NEK1: variants seen among roughly 807,000 people sequenced by gnomAD.
NEK1 encodes the protein serine/threonine-protein kinase Nek1.
A neutral mutation model predicts 182.1 loss-of-function variants in NEK1; 137 were observed. The ratio of observed to expected loss-of-function variants is 0.75; its 90% CI spans 0.65 to 0.87. NEK1 has a LOEUF of 0.87. Among genes scored for constraint, NEK1 ranks in the 40% least tolerant of loss-of-function variants. The probability of loss-of-function intolerance (pLI) is 0.00; values close to 1 mark genes in which losing one functional copy is unlikely to be tolerated. For synonymous variants in NEK1, 513 were observed against 492.2 expected (o/e 1.04, Z -0.56); for missense variants, 1,391 against 1,494.4 (o/e 0.93, Z 1.14).
At position 169,499,051 on chromosome 4, in the gene NEK1, G is replaced by A. The variant is rs570146768; in HGVS notation, c.2007+7986C>T. On this transcript the variant is annotated intron_variant, in intron 23 of 35. Transcript: ENST00000507142. ...TCACTTTCAGGTACACCAATCAGAC[G>A]TAGATTTGGTCTTTTCACATAGTCC... Among the ~76,000 whole-genome samples the A allele has an allele frequency of 1.4e-4, 21 of 152,276 alleles. No homozygotes were observed. In the East Asian group the frequency reaches 2.7e-3, roughly 20 times the overall value.
intron 27 of NEK1, among the ~76,000 whole-genome samples, chr4:169,446,219 A>C (rs1208935348): frequency 6.6e-6 from 1 of 152,134 alleles, no homozygotes; most frequent in Non-Finnish European, 1.5e-5. Flanking sequence ...AAAATCAAAC[A>C]GACACTAAAA....
At chr4:169,460,919 C>A (rs964855139) in intron 27 of NEK1, among the ~76,000 whole-genome samples, 5 of 152,142 alleles carry the variant, frequency 3.3e-5, no homozygotes, top group African/African-American at 1.2e-4. Flanking sequence ...AGTGTTCACA[C>A]AAGTCCTTCC....
intron 23 of NEK1, among the ~76,000 whole-genome samples, chr4:169,480,433 G>A (rs1747764959): frequency 6.8e-6 from 1 of 146,430 alleles, no homozygotes; most frequent in South Asian, 2.1e-4. Flanking sequence ...ATGTTTACAC[G>A]ATTCTGTAGC....
At chr4:169,418,593 CA>C (rs1734928883) in intron 31 of NEK1, among the ~76,000 whole-genome samples, 1 of 151,906 alleles carries the variant, frequency 6.6e-6, no homozygotes, top group Non-Finnish European at 1.5e-5. Context: ...ATAAAACACA[CA>C]ATATCGAAAT....
rs34487354 is a variant in NEK1 at position 169,577,318 on chromosome 4, T to TA, written c.869-240dup. Among the ~76,000 whole-genome samples the TA allele has an allele frequency of 0.18, 26,031 of 146,862 alleles. 2,816 individuals carry two copies. Among genetic ancestry groups the TA allele is most frequent in the South Asian group, 0.32 (1,467 of 4,654 alleles). ...TCTAACATGTTGAAGTTTTTAATAT[T>TA]AAAAAAAAAAATCCCTGAAATTGAC... On this transcript the variant is annotated intron_variant, in intron 11 of 35. Transcript: ENST00000507142.
intron 31 of NEK1, among the ~76,000 whole-genome samples, chr4:169,420,633 T>G (rs909467230): frequency 6.6e-6 from 1 of 152,192 alleles, no homozygotes; most frequent in Non-Finnish European, 1.5e-5. Context: ...CATTATGTGA[T>G]GCATGACTGC....
intron 27 of NEK1, 47 bp from the exon 28 acceptor site, chr4:169,438,306 C>T (rs1327074058): frequency 2.1e-6 from 3 of 1,430,950 alleles, no homozygotes; most frequent in African/African-American, 1.4e-5. Context: ...CAAAATGATG[C>T]ATTTTATCTG....
intron 16 of NEK1, among the ~76,000 whole-genome samples, chr4:169,556,754 AAT>A (rs1762218291): frequency 3.3e-5 from 5 of 151,930 alleles, no homozygotes; most frequent in Admixed American, 3.3e-4. Flanking sequence ...AAAAAAAAAA[AAT>A]CAACAGTAAA....
intron 18 of NEK1, among the ~76,000 whole-genome samples, chr4:169,552,651 T>C (rs1303560557): frequency 2.0e-5 from 3 of 152,064 alleles, no homozygotes; most frequent in African/African-American, 7.2e-5. Flanking sequence ...GAAATATAAC[T>C]GTCTTTGTTT....
intron 31 of NEK1, among the ~76,000 whole-genome samples, chr4:169,413,656 A>G (rs1734036559): frequency 6.6e-6 from 1 of 152,226 alleles, no homozygotes; most frequent in African/African-American, 2.4e-5. Flanking sequence ...GTCCTTCAAA[A>G]TCTATACTGA....
intron 23 of NEK1, 120 bp from the exon 24 acceptor site, chr4:169,479,654 A>G: frequency 1.3e-6 from 1 of 793,294 alleles, no homozygotes; most frequent in African/African-American, 1.8e-5. Context: ...TTCATTCCTG[A>G]ATTATCTGTT....
chr4:169,592,486 A>AAT (rs1344492556), intron 5 of NEK1, among the ~76,000 whole-genome samples: 1 of 152,182 alleles, frequency 6.6e-6, no homozygotes, highest in Non-Finnish European at 1.5e-5. Flanking sequence ...TATTTAAAAA[A>AAT]ATATGCTTAT....
Position 169,438,079 on chromosome 4 carries a change from A to C in NEK1, c.2764+4T>G. 6.2e-7 allele frequency: 1 copy of C among 1,606,432 alleles called. No homozygotes were observed. Among genetic ancestry groups the C allele is most frequent in the Non-Finnish European group, 8.5e-7 (1 of 1,175,604 alleles). ...ATAGCTCATTTTGACTCATTAGAAC[A>C]TACCTTCTAAATTTCCTTCCAGTTT... On this transcript the variant is annotated splice_donor_region_variant and intron_variant, in intron 28 of 35. Transcript: ENST00000507142.
intron 29 of NEK1, among the ~76,000 whole-genome samples, chr4:169,428,346 TATGGGATATATATATATATATATATA>T (rs1311182969): frequency 1.2e-3 from 23 of 19,304 alleles, no homozygotes; most frequent in South Asian, 5.4e-3. Context: ...TATAAAAATA[TATGGGATATATATATATATATATATA>T]ATGGAATATT....
intron 31 of NEK1, among the ~76,000 whole-genome samples, chr4:169,407,117 C>T (rs995328450): frequency 1.3e-5 from 2 of 152,148 alleles, no homozygotes; most frequent in African/African-American, 4.8e-5. Context: ...ACTTGGAAAT[C>T]TGTCAGGAAT....
intron 23 of NEK1, among the ~76,000 whole-genome samples, chr4:169,497,104 G>A (rs1412724862): frequency 6.6e-6 from 1 of 152,122 alleles, no homozygotes; most frequent in Non-Finnish European, 1.5e-5. Flanking sequence ...TCTATTCAGG[G>A]ATTCAACTTC....
intron 26 of NEK1, among the ~76,000 whole-genome samples, chr4:169,464,591 A>G (rs1385720887): frequency 6.6e-6 from 1 of 152,078 alleles, no homozygotes; most frequent in African/African-American, 2.4e-5. Context: ...TTTGGATTTC[A>G]GATTTTGGAT....
At chr4:169,529,827 G>A (rs1757409182) in intron 19 of NEK1, among the ~76,000 whole-genome samples, 1 of 152,142 alleles carries the variant, frequency 6.6e-6, no homozygotes, top group South Asian at 2.1e-4. Flanking sequence ...AACATTTAGA[G>A]AAATCCAAAT....
At chr4:169,451,911 A>T (rs1741867646) in intron 27 of NEK1, among the ~76,000 whole-genome samples, 1 of 152,354 alleles carries the variant, frequency 6.6e-6, no homozygotes, top group Admixed American at 6.5e-5. Context: ...AAGAAAAGAC[A>T]GAAGAATCAA....
Sources: gnomAD v4.1 joint callset for allele counts (sites outside exome capture counted in the v4.1 genomes callset) on GRCh38, gnomAD v4.1.1 for gene constraint, MANE v1.5 for transcripts, NCBI Gene and HGNC (gene_info 2026-07-23, HGNC 2026-07-21) for gene names.